TRAPPC10: variants seen among roughly 807,000 people sequenced by gnomAD.
TRAPPC10 encodes TRAPP 130 kDa subunit.
In TRAPPC10, 23 loss-of-function variants were observed where a neutral mutation model predicts 125.5. That is an observed-to-expected ratio of 0.18 (90% CI 0.13 to 0.26). The LOEUF is 0.26. Ranked by LOEUF, TRAPPC10 falls within the 10% of genes least tolerant of loss-of-function variation. TRAPPC10 has a pLI of 1.00. For missense variants in TRAPPC10, 1,123 were observed against 1,308.4 expected (o/e 0.86, Z 2.19); for synonymous variants, 509 against 518.0 (o/e 0.98, Z 0.24).
intron 8 of TRAPPC10, 85 bp from the exon 9 acceptor site, chr21:44,074,954 G>A (rs2037164985): frequency 1.9e-6 from 2 of 1,027,066 alleles, no homozygotes; most frequent in South Asian, 1.5e-5. Flanking sequence ...GAATTTAGCT[G>A]GATTTGAATT....
At chr21:44,030,016 A>C (rs2147246980) in intron 1 of TRAPPC10, among the ~76,000 whole-genome samples, 1 of 152,342 alleles carries the variant, frequency 6.6e-6, no homozygotes, top group Non-Finnish European at 1.5e-5. Context: ...TTGACTGGTC[A>C]TCTTCTAGGT....
intron 7 of TRAPPC10, among the ~76,000 whole-genome samples, chr21:44,065,480 G>A (rs1231099492): frequency 6.6e-6 from 1 of 152,216 alleles, no homozygotes; most frequent in Non-Finnish European, 1.5e-5. Flanking sequence ...TTTAGTCATA[G>A]CTATTGCACC....
intron 1 of TRAPPC10, among the ~76,000 whole-genome samples, chr21:44,018,425 G>T (rs1184820741): frequency 6.6e-6 from 1 of 152,040 alleles, no homozygotes; most frequent in Admixed American, 6.6e-5. Flanking sequence ...TAAAGGCTGG[G>T]CGCAGTGACT....
intron 17 of TRAPPC10, chr21:44,088,298 CA>C: frequency 8.4e-6 from 2 of 238,472 alleles, no homozygotes; most frequent in Non-Finnish European, 1.7e-5. Flanking sequence ...CACTGAAACT[CA>C]TAAGCTCAGC....
intron 8 of TRAPPC10, among the ~76,000 whole-genome samples, chr21:44,074,794 T>C (rs537247839): frequency 1.3e-5 from 2 of 152,312 alleles, no homozygotes; most frequent in East Asian, 1.9e-4. Flanking sequence ...GCTGGGCTTA[T>C]GCAGGTGCAG....
chr21:44,079,304 T>C (rs781352739), intron 11 of TRAPPC10, among the ~76,000 whole-genome samples: 18 of 152,168 alleles, frequency 1.2e-4, no homozygotes, highest in Admixed American at 6.5e-4. Context: ...TCGACATGTG[T>C]ATAAAGCCAG....
chr21:44,047,563 T>TGC (rs1228173314), intron 3 of TRAPPC10, among the ~76,000 whole-genome samples: 82 of 147,978 alleles, frequency 5.5e-4, no homozygotes, highest in African/African-American at 1.6e-3. Flanking sequence ...TGTGTGTGTG[T>TGC]GTGCGCGCAC....
intron 3 of TRAPPC10, 60 bp downstream of exon 3, chr21:44,037,987 T>G (rs2034114578): frequency 6.4e-7 from 1 of 1,567,008 alleles, no homozygotes; most frequent in Admixed American, 1.8e-5. Flanking sequence ...GCGTGGAGAG[T>G]GCTGTGTGAG....
At position 44,083,035 on chromosome 21, in the gene TRAPPC10, T is replaced by C; in HGVS notation, c.1971T>C (p.Phe657=). The part of the protein sequence containing the change: ...KHKTSNGIIN[F]PPETAPFPVS... ...AGACGTCCAATGGGATCATTAACTT[T>C]CCACCCGAGACCGCACCTTTCCCTG... The change falls in exon 14 of 23, where the codon TTT becomes TTC. Residue 657 remains phenylalanine, a synonymous_variant. Coordinates refer to ENST00000291574, the MANE Select transcript of TRAPPC10 (RefSeq NM_003274.5). 1 of 1,614,134 alleles carries C rather than the reference T, an allele frequency of 6.2e-7. No individual in the cohort carries two copies. The highest frequency in any genetic ancestry group is 8.5e-7 in the Non-Finnish European group (1 of 1,180,020).
intron 15 of TRAPPC10, among the ~76,000 whole-genome samples, chr21:44,086,485 G>A (rs191068531): frequency 6.6e-6 from 1 of 152,298 alleles, no homozygotes; most frequent in Admixed American, 6.5e-5. Flanking sequence ...TACTACTAAT[G>A]GGCAGGCAAA....
At position 44,089,874 on chromosome 21, in the gene TRAPPC10, C is replaced by T. The variant is rs773146345; in HGVS notation, c.2811C>T (p.Ile937=). Residue 937 remains isoleucine (I), a synonymous_variant, in exon 18 of 23, where the codon ATC becomes ATT. Transcript: ENST00000291574. The part of the protein sequence containing the change: ...DCPWSIYSTV[I]ALTFSVPFRT... ...CGTGGTCCATCTACTCCACAGTCAT[C>T]GCACTGACCTTCAGCGTACCCTTCA... is the stretch of plus-strand genomic sequence containing the variant. 37 of 1,613,802 alleles carry T rather than the reference C, an allele frequency of 2.3e-5. No homozygotes were observed. The East Asian group carries it at 5.6e-4, about 24-fold the overall frequency.
At chr21:44,079,826 T>C in intron 12 of TRAPPC10, 122 bp downstream of exon 12, 3 of 1,138,116 alleles carry the variant, frequency 2.6e-6, no homozygotes, top group Admixed American at 2.8e-5. Context: ...CTTATACATA[T>C]GTATTGTATA....
rs769609278 is a variant in TRAPPC10 at position 44,086,840 on chromosome 21, A to G, written c.2419A>G (p.Thr807Ala). ...AGGCATTCCTCAGAGAGTCAAGTTC[A>G]CTGTCACTACCGGCCATTATACGAT... is the stretch of plus-strand genomic sequence containing the variant. Reference protein sequence around the residue: ...LAGIPQRVKFTVTTGHYTIKN... With the variant: ...LAGIPQRVKFAVTTGHYTIKN... Residue 807 changes from threonine (T) to alanine (A), a missense_variant, in exon 16 of 23, where the codon ACT becomes GCT. Transcript: ENST00000291574. 3.6e-5 allele frequency: 58 copies of G among 1,614,102 alleles called. No homozygotes were observed. In the South Asian group the frequency reaches 4.3e-4, roughly 12 times the overall value.
At chr21:44,076,148 G>A (rs549016479) in intron 9 of TRAPPC10, among the ~76,000 whole-genome samples, 5 of 152,262 alleles carry the variant, frequency 3.3e-5, no homozygotes, top group Non-Finnish European at 5.9e-5. Context: ...TAGCAAGACT[G>A]TTGCTAAAGA....
intron 2 of TRAPPC10, among the ~76,000 whole-genome samples, chr21:44,037,189 C>A (rs958850391): frequency 6.6e-6 from 1 of 152,166 alleles, no homozygotes; most frequent in African/African-American, 2.4e-5. Context: ...CTGTTAGAAG[C>A]ATCGTTAGGC....
At chr21:44,036,037 A>G (rs918745946) in intron 2 of TRAPPC10, among the ~76,000 whole-genome samples, 4 of 152,146 alleles carry the variant, frequency 2.6e-5, no homozygotes, top group African/African-American at 9.7e-5. Flanking sequence ...TCCAGGATCC[A>G]CCTGAGGGGC....
Position 44,032,057 on chromosome 21 carries a change from A to T in TRAPPC10, c.68-34A>T. The T allele has an allele frequency of 2.5e-6, 4 of 1,572,806 alleles. 1 individual carries two copies. In the South Asian group the frequency reaches 4.6e-5, roughly 18 times the overall value. On this transcript the variant is annotated intron_variant, in intron 1 of 22. Transcript: ENST00000291574. ...CCATTTTGCATGTATTCACCTAAAA[A>T]TATGGTAACTGAATTTCTTTCTTCC...
At chr21:44,067,838 C>T (rs938927585) in intron 7 of TRAPPC10, among the ~76,000 whole-genome samples, 1 of 151,942 alleles carries the variant, frequency 6.6e-6, no homozygotes, top group African/African-American at 2.4e-5. Context: ...AAGATTCATT[C>T]AGGCTGGGCA....
chr21:44,089,918 T>C lies in TRAPPC10; in HGVS notation c.2855T>C (p.Leu952Pro). 1.2e-6 allele frequency: 2 copies of C among 1,613,636 alleles called. 1 individual carries two copies. The highest frequency in any genetic ancestry group is 2.2e-5 in the South Asian group (2 of 91,028). ...SVPFRTTHSL[L>P]SSGTRKYVQV... ...CCCTTCAGGACCACACACAGCCTCC[T>C]GTCCTCAGGAACACGGTAACGGAGG... Residue 952 changes from leucine to proline, a missense_variant, in exon 18 of 23, where the codon CTG becomes CCG. Physicochemically the swap from Leu to Pro is moderately conservative, Grantham distance 98. Around this residue, in one of 4 missense-constraint regions of TRAPPC10, gnomAD observed 840 missense variants for 902.0 expected, o/e 0.93. Transcript: ENST00000291574.
Sources: allele counts gnomAD v4.1 joint callset (sites outside exome capture counted in the v4.1 genomes callset), GRCh38; gene constraint gnomAD v4.1.1; regional missense constraint gnomAD v4.1.1; transcripts MANE v1.5; gene names NCBI Gene and HGNC (gene_info 2026-07-23, HGNC 2026-07-21).